The following SEMA3D variants were observed in gnomAD, a reference collection of about 807,000 sequenced individuals.
The protein encoded by SEMA3D is semaphorin 3D, also known as semaphorin-3D.
SEMA3D carries 84 observed loss-of-function variants against 100.1 expected under a neutral mutation model. The ratio of observed to expected loss-of-function variants is 0.84; its 90% CI spans 0.70 to 1.01. The LOEUF (loss-of-function observed/expected upper bound fraction) is 1.01. SEMA3D is among the 50% of genes least tolerant of loss of function. The probability of loss-of-function intolerance (pLI) is 0.00; values close to 1 mark genes in which losing one functional copy is unlikely to be tolerated. For synonymous variants in SEMA3D, 312 were observed against 320.7 expected (o/e 0.97, Z 0.29); for missense variants, 875 against 934.1 (o/e 0.94, Z 0.82).
At chr7:85,119,453 T>G (rs939347113) in intron 3 of SEMA3D, among the ~76,000 whole-genome samples, 1 of 152,128 alleles carries the variant, frequency 6.6e-6, no homozygotes. Context: ...AACGAGATCA[T>G]GTTCTTTGCA....
intron 9 of SEMA3D, among the ~76,000 whole-genome samples, chr7:85,049,088 A>G (rs1372664162): frequency 1.3e-5 from 2 of 151,658 alleles, no homozygotes; most frequent in Non-Finnish European, 2.9e-5. Flanking sequence ...AGAGTCCTTT[A>G]CCTCACCTAC....
At chr7:85,246,984 G>A in the SEMA3D span, among the ~76,000 whole-genome samples, 2 of 151,740 alleles carry the variant, frequency 1.3e-5, no homozygotes, top group African/African-American at 2.4e-5. Flanking sequence ...TACGTAAGTC[G>A]CTGAAAAATT....
intron 1 of SEMA3D, among the ~76,000 whole-genome samples, chr7:85,179,842 T>C (rs1791348917): frequency 1.3e-5 from 2 of 152,138 alleles, no homozygotes; most frequent in African/African-American, 4.8e-5. Context: ...TTTGTATTTT[T>C]AGTAGAGATG....
chr7:85,188,605 T>G (rs990885476), upstream of SEMA3D, among the ~76,000 whole-genome samples: 9 of 152,160 alleles, frequency 5.9e-5, no homozygotes, highest in Non-Finnish European at 1.3e-4. Context: ...ATATGGTGGG[T>G]TTATAGTAAG....
At chr7:85,029,979 T>C (rs1302142446) in intron 12 of SEMA3D, among the ~76,000 whole-genome samples, 1 of 151,820 alleles carries the variant, frequency 6.6e-6, no homozygotes, top group Admixed American at 6.6e-5. Flanking sequence ...CCTCCACCCC[T>C]GAATAAAAAA....
intron 3 of SEMA3D, 134 bp downstream of exon 3, chr7:85,121,607 A>T: frequency 1.8e-6 from 1 of 549,884 alleles, no homozygotes; most frequent in Non-Finnish European, 3.1e-6. Context: ...CGTGTTCTAT[A>T]ATTCTATTTT....
At chr7:85,013,746 C>T (rs759169898) in intron 16 of SEMA3D, among the ~76,000 whole-genome samples, 4 of 151,718 alleles carry the variant, frequency 2.6e-5, no homozygotes, top group Admixed American at 1.3e-4. Flanking sequence ...GGGAAAACAT[C>T]ACAGTGGCAT....
intron 2 of SEMA3D, chr7:85,142,298 T>C: frequency 1.0e-6 from 1 of 979,270 alleles, no homozygotes; most frequent in Non-Finnish European, 1.2e-6. Context: ...AAGTACTTAG[T>C]TTTATCTACA....
At chr7:85,022,655 AC>A in intron 12 of SEMA3D, 42 bp from the exon 13 acceptor site, 1 of 1,286,196 alleles carries the variant, frequency 7.8e-7, no homozygotes, top group South Asian at 1.2e-5. Context: ...TTGTTTATGC[AC>A]CTGAGAAGTT....
intron 3 of SEMA3D, among the ~76,000 whole-genome samples, chr7:85,120,820 G>C (rs1336412547): frequency 6.6e-6 from 1 of 151,458 alleles, no homozygotes; most frequent in African/African-American, 2.4e-5. Flanking sequence ...AAATACATAA[G>C]AACTCAAAAA....
chr7:85,092,851 G>C (rs1788437383), intron 4 of SEMA3D, among the ~76,000 whole-genome samples: 1 of 151,968 alleles, frequency 6.6e-6, no homozygotes, highest in African/African-American at 2.4e-5. Flanking sequence ...ATCATGAATC[G>C]AGAAAACTTT....
the SEMA3D span, among the ~76,000 whole-genome samples, chr7:85,210,999 A>G: frequency 6.6e-6 from 1 of 152,094 alleles, no homozygotes; most frequent in African/African-American, 2.4e-5. Context: ...AATAAAAATC[A>G]TCTTTCACTT....
At chr7:85,140,895 C>G in intron 2 of SEMA3D, 1 of 652,336 alleles carries the variant, frequency 1.5e-6, no homozygotes, top group Non-Finnish European at 1.9e-6. Context: ...ACACCATCTT[C>G]CTATCAACAC....
intron 1 of SEMA3D, among the ~76,000 whole-genome samples, chr7:85,168,912 A>G (rs1212299291): frequency 6.6e-6 from 1 of 151,448 alleles, no homozygotes; most frequent in Non-Finnish European, 1.5e-5. Context: ...CAAGGAGGGC[A>G]GTAAAGTGTT....
chr7:85,143,724 T>TG (rs1318510625), intron 2 of SEMA3D, among the ~76,000 whole-genome samples: 2 of 117,718 alleles, frequency 1.7e-5, no homozygotes, highest in African/African-American at 7.0e-5. Flanking sequence ...ATGAGACATG[T>TG]AATTTTTTTT....
chr7:85,213,766 G>A, the SEMA3D span, among the ~76,000 whole-genome samples: 4 of 152,038 alleles, frequency 2.6e-5, no homozygotes, highest in African/African-American at 7.2e-5. Flanking sequence ...TGTGACCCAC[G>A]GTATTTGATT....
intron 12 of SEMA3D, chr7:85,027,718 T>C: frequency 3.2e-6 from 1 of 314,342 alleles, no homozygotes; most frequent in South Asian, 3.0e-5. Context: ...TAATGTTTGT[T>C]TTCCCAACAT....
At chr7:85,037,245 T>C (rs1018337225) in intron 11 of SEMA3D, among the ~76,000 whole-genome samples, 2 of 152,184 alleles carry the variant, frequency 1.3e-5, no homozygotes, top group Non-Finnish European at 2.9e-5. Context: ...CCAGTAAATA[T>C]AGTAAGCAAA....
At chr7:85,249,818 T>G in the SEMA3D span, among the ~76,000 whole-genome samples, 4 of 152,194 alleles carry the variant, frequency 2.6e-5, no homozygotes, top group African/African-American at 4.8e-5. Flanking sequence ...TCTAGAAGTC[T>G]GTAGTAAGTT....
Sources: allele counts gnomAD v4.1 joint callset (sites outside exome capture counted in the v4.1 genomes callset), GRCh38; gene constraint gnomAD v4.1.1; transcripts MANE v1.5; gene names NCBI Gene and HGNC (gene_info 2026-07-23, HGNC 2026-07-21).